The following PPHLN1 variants were observed in gnomAD, a reference collection of about 807,000 sequenced individuals.
PPHLN1 encodes periphilin 1, also known as periphilin-1.
A neutral mutation model predicts 51.3 loss-of-function variants in PPHLN1; 29 were observed. The observed-to-expected ratio is 0.57, with a 90% CI of 0.42 to 0.77. The LOEUF (loss-of-function observed/expected upper bound fraction) is 0.77, where lower values mean the gene tolerates loss of function less well. PPHLN1 is among the 30% of genes least tolerant of loss of function. The pLI is 0.00. For synonymous variants in PPHLN1, 147 were observed against 147.8 expected, an observed-to-expected ratio of 0.99 and a Z score of 0.04; for missense variants, 436 against 438.4, an observed-to-expected ratio of 0.99 and a Z score of 0.05.
chr12:42,343,937 A>G (rs58826545), intron 2 of PPHLN1: 70,081 of 437,004 alleles, frequency 0.16, 5,896 homozygotes, highest in Admixed American at 0.21. Context: ...TGCTAAAATA[A>G]GAATGTATGT....
intron 1 of PPHLN1, among the ~76,000 whole-genome samples, chr12:42,327,262 A>G (rs1194725472): frequency 6.6e-6 from 1 of 152,060 alleles, no homozygotes; most frequent in African/African-American, 2.4e-5. Flanking sequence ...TGAAACCTCT[A>G]TTTCCTGCTT....
intron 7 of PPHLN1, among the ~76,000 whole-genome samples, chr12:42,391,349 C>G (rs896557959): frequency 6.6e-6 from 1 of 152,190 alleles, no homozygotes; most frequent in African/African-American, 2.4e-5. Context: ...AGCAATTCTC[C>G]TGCCTCAACC....
intron 1 of PPHLN1, among the ~76,000 whole-genome samples, chr12:42,327,570 T>C (rs908690606): frequency 6.6e-6 from 1 of 152,240 alleles, no homozygotes; most frequent in Non-Finnish European, 1.5e-5. Flanking sequence ...GCTGTCACTT[T>C]ACTTGAGGGG....
At chr12:42,429,265 T>A (rs972914724) in intron 9 of PPHLN1, among the ~76,000 whole-genome samples, 2 of 152,222 alleles carry the variant, frequency 1.3e-5, no homozygotes, top group African/African-American at 2.4e-5. Context: ...TTGGTTTTTT[T>A]CCTAATCAAC....
chr12:42,378,730 A>G (rs535273661), intron 5 of PPHLN1, among the ~76,000 whole-genome samples: 104 of 152,260 alleles, frequency 6.8e-4, no homozygotes, highest in African/African-American at 2.5e-3. Flanking sequence ...GTGCTCACAT[A>G]CATACACACA....
intron 1 of PPHLN1, among the ~76,000 whole-genome samples, chr12:42,332,376 A>G (rs1260661956): frequency 6.6e-6 from 1 of 152,226 alleles, no homozygotes; most frequent in Non-Finnish European, 1.5e-5. Context: ...AACATCTAGT[A>G]CAATCTCAGA....
At chr12:42,426,288 C>T (rs541898874) in intron 9 of PPHLN1, among the ~76,000 whole-genome samples, 31 of 151,370 alleles carry the variant, frequency 2.0e-4, no homozygotes, top group African/African-American at 7.3e-4. Flanking sequence ...CCTTCCAGAC[C>T]CCTCCAAACC....
rs945839433 is a variant in PPHLN1 at position 42,441,404 on chromosome 12, A to G, written c.999A>G (p.Ala333=). ...CATTAGAAAAGTCTATACAGTTTGC[A>G]TTGAGGCAGAATTTACATGAAATAG... The part of the protein sequence containing the change: ...DPSLEKSIQF[A]LRQNLHEIGE... The change falls in exon 10 of 10, where the codon GCA becomes GCG. Residue 333 remains alanine (A), a synonymous_variant. Coordinates refer to ENST00000358314, the MANE Select transcript of PPHLN1 (RefSeq NM_201439.2). The G allele has an allele frequency of 1.2e-6, 2 of 1,614,158 alleles. No individual in the cohort carries two copies. The highest frequency in any genetic ancestry group is 2.2e-5 in the East Asian group (1 of 44,872).
chr12:42,393,269 T>C (rs1259035572), intron 7 of PPHLN1, among the ~76,000 whole-genome samples: 7 of 152,166 alleles, frequency 4.6e-5, no homozygotes, highest in Non-Finnish European at 1.0e-4. Context: ...TCTTTTATAT[T>C]CTAAATATAA....
At chr12:42,353,479 C>T (rs1009461248) in intron 3 of PPHLN1, among the ~76,000 whole-genome samples, 4 of 152,162 alleles carry the variant, frequency 2.6e-5, no homozygotes, top group African/African-American at 9.7e-5. Flanking sequence ...ATCATAGTGA[C>T]CCCTAACAAT....
chr12:42,374,922 G>A lies in PPHLN1; in HGVS notation c.359G>A (p.Arg120Gln), dbSNP rs761222377. 29 of 1,613,272 alleles carry A rather than the reference G, an allele frequency of 1.8e-5. No homozygotes were observed. Among genetic ancestry groups the A allele is most frequent in the Middle Eastern group, 3.3e-4 (2 of 6,080 alleles). ...TACTCTTCCCATTATGCGAGAGAGC[G>A]GTCTCCTTATAAAAGGGACAATACT... ...SFYSSHYARE[R>Q]SPYKRDNTFF... The change falls in exon 5 of 10, where the codon CGG becomes CAG. Residue 120 changes from arginine (R) to glutamine (Q), a missense_variant. Coordinates refer to ENST00000358314, the MANE Select transcript of PPHLN1 (RefSeq NM_201439.2).
intron 9 of PPHLN1, among the ~76,000 whole-genome samples, chr12:42,405,004 G>GT (rs1333588829): frequency 1.3e-5 from 2 of 152,208 alleles, no homozygotes; most frequent in Admixed American, 1.3e-4. Context: ...TCTAGCCTGG[G>GT]TGACAGAGTG....
downstream of PPHLN1, chr12:42,447,028 A>G (rs2083354762): frequency 1.2e-5 from 2 of 166,658 alleles, no homozygotes; most frequent in African/African-American, 2.4e-5. Flanking sequence ...GTTCCAGCCT[A>G]TCAGGACTGC....
chr12:42,355,362 T>C, intron 4 of PPHLN1, 140 bp downstream of exon 4: 1 of 678,650 alleles, frequency 1.5e-6, no homozygotes, highest in Non-Finnish European at 2.5e-6. Context: ...CATTATATTC[T>C]TTTTGTGACT....
chr12:42,360,458 CTTTTTTTTTTTTTTTT>C (rs71084642), intron 4 of PPHLN1, among the ~76,000 whole-genome samples: 1 of 56,274 alleles, frequency 1.8e-5, no homozygotes, highest in Non-Finnish European at 3.1e-5. Flanking sequence ...ATGCTGAATT[CTTTTTTTTTTTTTTTT>C]TTTTTTTTTT....
At chr12:42,352,099 A>G in intron 3 of PPHLN1, 50 bp downstream of exon 3, 1 of 1,347,790 alleles carries the variant, frequency 7.4e-7, no homozygotes, top group East Asian at 2.9e-5. Flanking sequence ...TAAGTTTAAA[A>G]TTAATGTAAT....
intron 2 of PPHLN1, among the ~76,000 whole-genome samples, chr12:42,346,896 T>G (rs915934475): frequency 1.3e-5 from 2 of 152,128 alleles, no homozygotes; most frequent in Non-Finnish European, 2.9e-5. Flanking sequence ...AAAAAAATTA[T>G]TATTACTTGG....
chr12:42,434,946 G>C (rs1362720601), intron 9 of PPHLN1, among the ~76,000 whole-genome samples: 1 of 152,200 alleles, frequency 6.6e-6, no homozygotes, highest in East Asian at 1.9e-4. Context: ...GCCCGCCCTG[G>C]CCTCCCAAAG....
At chr12:42,382,973 C>CA (rs924613933) in intron 5 of PPHLN1, among the ~76,000 whole-genome samples, 20 of 151,514 alleles carry the variant, frequency 1.3e-4, no homozygotes, top group South Asian at 4.2e-4. Flanking sequence ...AAAAACAAAA[C>CA]AAAAAAAACA....
Sources: allele counts gnomAD v4.1 joint callset (sites outside exome capture counted in the v4.1 genomes callset), GRCh38; gene constraint gnomAD v4.1.1; transcripts MANE v1.5; gene names NCBI Gene and HGNC (gene_info 2026-07-23, HGNC 2026-07-21).